The following SRP9 variants were observed in gnomAD, a reference collection of about 807,000 sequenced individuals.
SRP9 encodes the protein signal recognition particle 9.
Under a neutral mutation model 11.7 loss-of-function variants are expected in SRP9, and 2 were observed. That is an observed-to-expected ratio of 0.17 (90% CI 0.07 to 0.54). SRP9 has a LOEUF of 0.54. Ranked by LOEUF, SRP9 falls within the 20% of genes least tolerant of loss-of-function variation. The pLI is 0.94. For synonymous variants in SRP9, 27 were observed against 35.6 expected (o/e 0.76, Z 0.86); for missense variants, 54 against 108.1 (o/e 0.50, Z 2.22).
At chr1:225,786,915 T>C in intron 2 of SRP9, 1 of 907,114 alleles carries the variant, frequency 1.1e-6, no homozygotes, top group Non-Finnish European at 1.5e-6. Context: ...TGATCATAGC[T>C]CACTGCATCC....
chr1:225,781,402 T>TC (rs1278088556), intron 1 of SRP9, among the ~76,000 whole-genome samples: 1 of 140,064 alleles, frequency 7.1e-6, no homozygotes, highest in Non-Finnish European at 1.6e-5. Context: ...TTTCTTTTTT[T>TC]TTTTTTTTTT....
chr1:225,778,089 T>C, intron 1 of SRP9, 77 bp downstream of exon 1: 1 of 1,508,960 alleles, frequency 6.6e-7, no homozygotes, highest in Non-Finnish European at 9.1e-7. Flanking sequence ...CCCTGGAGCT[T>C]CCCCAGCGCT....
At chr1:225,779,523 T>A (rs1665754333) in intron 1 of SRP9, among the ~76,000 whole-genome samples, 1 of 152,214 alleles carries the variant, frequency 6.6e-6, no homozygotes, top group African/African-American at 2.4e-5. Context: ...TGCAGTGAGC[T>A]GGTAACCTGT....
At chr1:225,787,175 A>T (rs1344355624) in intron 2 of SRP9, among the ~76,000 whole-genome samples, 1 of 152,144 alleles carries the variant, frequency 6.6e-6, no homozygotes, top group Non-Finnish European at 1.5e-5. Flanking sequence ...GAAAAATTTT[A>T]ATTGTGATTG....
rs1665985752 is a variant in SRP9 at position 225,789,513 on chromosome 1, G to C, written c.*154G>C. The C allele has an allele frequency of 1.3e-6, 1 of 781,008 alleles. No homozygotes were observed. Among genetic ancestry groups the C allele is most frequent in the African/African-American group, 1.8e-5 (1 of 56,410 alleles). 48.4% of individuals were successfully genotyped at this position (781,008 alleles called of 1,614,324 possible). On this transcript the variant is annotated 3_prime_UTR_variant, in exon 3 of 3. Transcript: ENST00000304786. ...TAATTTTCTTTTTAATTACTTTAGA[G>C]AGCTAGGGATGCAAATGTTTTCAGT... is the stretch of plus-strand genomic sequence containing the variant.
intron 1 of SRP9, among the ~76,000 whole-genome samples, chr1:225,781,082 T>C (rs1665785244): frequency 6.6e-6 from 1 of 152,224 alleles, no homozygotes; most frequent in African/African-American, 2.4e-5. Flanking sequence ...CCGGATTGTA[T>C]CCTTGTTCAG....
intron 2 of SRP9, chr1:225,788,889 G>A: frequency 2.0e-6 from 2 of 1,008,698 alleles, no homozygotes; most frequent in Non-Finnish European, 1.4e-6. Flanking sequence ...GAGAAAATAT[G>A]TAGGGAGATA....
chr1:225,782,271 C>T (rs1665815139), intron 1 of SRP9, among the ~76,000 whole-genome samples: 1 of 152,110 alleles, frequency 6.6e-6, no homozygotes, highest in African/African-American at 2.4e-5. Context: ...TCACACCATT[C>T]TCTTGCCTCA....
chr1:225,780,152 T>A (rs1665764156), intron 1 of SRP9, among the ~76,000 whole-genome samples: 1 of 149,464 alleles, frequency 6.7e-6, no homozygotes, highest in South Asian at 2.1e-4. Flanking sequence ...TAGCTGAGAC[T>A]ACAGACATGC....
Position 225,789,443 on chromosome 1 carries a change from T to A in SRP9, c.*84T>A. ...GAAAGTGTTGGGACAGAAAGTACTTTATGTAACTAAGTGGGCTGTTCAGAA... is the reference window on the plus strand; with the variant it reads ...GAAAGTGTTGGGACAGAAAGTACTTAATGTAACTAAGTGGGCTGTTCAGAA... On this transcript the variant is annotated 3_prime_UTR_variant, in exon 3 of 3. Coordinates refer to ENST00000304786, the MANE Select transcript of SRP9 (RefSeq NM_003133.6). 6.9e-7 allele frequency: 1 copy of A among 1,448,386 alleles called. No homozygotes were observed. The highest frequency in any genetic ancestry group is 9.3e-7 in the Non-Finnish European group (1 of 1,073,516). The allele number at this position is 1,448,386 out of a possible 1,614,324, so 89.7% of individuals were successfully genotyped here. A position where few individuals can be genotyped will look rare whatever the true frequency, so the allele number is the denominator to read the frequency against.
At chr1:225,786,824 T>TGTTG (rs1165181621) in intron 2 of SRP9, 4 of 1,264,548 alleles carry the variant, frequency 3.2e-6, no homozygotes, top group East Asian at 5.6e-5. Context: ...TTCTTTTGTT[T>TGTTG]GTTGATTGGT....
chr1:225,785,404 A>ATGGAGTCTCGCTCTGTCGCCCAGGC (rs1447998537), intron 2 of SRP9, among the ~76,000 whole-genome samples: 1 of 149,454 alleles, frequency 6.7e-6, no homozygotes, highest in Admixed American at 6.7e-5. Flanking sequence ...TGTTTGTTTG[A>ATGGAGTCTCGCTCTGTCGCCCAGGC]TGGAGTCTCG....
chr1:225,779,302 A>T (rs1474054421), intron 1 of SRP9, among the ~76,000 whole-genome samples: 1 of 151,668 alleles, frequency 6.6e-6, no homozygotes, highest in African/African-American at 2.4e-5. Flanking sequence ...CTGCCACCAC[A>T]CCTGGCTAAT....
intron 2 of SRP9, among the ~76,000 whole-genome samples, chr1:225,784,797 G>A (rs906768537): frequency 2.6e-5 from 4 of 151,922 alleles, no homozygotes; most frequent in South Asian, 2.1e-4. Context: ...AGCAGAGATC[G>A]TGCCACTGCA....
intron 1 of SRP9, among the ~76,000 whole-genome samples, chr1:225,781,856 T>C (rs964343329): frequency 1.3e-5 from 2 of 152,212 alleles, no homozygotes; most frequent in African/African-American, 4.8e-5. Context: ...ATTTACTAGA[T>C]AAATAAATAG....
chr1:225,778,568 T>C (rs909567114), intron 1 of SRP9, among the ~76,000 whole-genome samples: 20 of 152,234 alleles, frequency 1.3e-4, no homozygotes, highest in Non-Finnish European at 1.0e-4. Flanking sequence ...TAAGTAAATG[T>C]ATAAGTAAAT....
rs149323412 is a variant in SRP9, at chr1:225,789,347, G to A, written c.249G>A (p.Met83Ile). The stretch of plus-strand genomic sequence containing the variant: ...CCAAGGAAGCCCGCAATGTTACCAT[G>A]GAAACTGAGTGAATGGTTTGAAATG... ...MVAKEARNVT[M>I]ETE The change falls in exon 3 of 3, where the codon ATG becomes ATA. Residue 83 changes from methionine to isoleucine, a missense_variant. Coordinates refer to ENST00000304786, the MANE Select transcript of SRP9 (RefSeq NM_003133.6). The A allele has an allele frequency of 1.3e-6, 2 of 1,596,100 alleles. No homozygotes were observed. Among genetic ancestry groups the A allele is most frequent in the African/African-American group, 2.7e-5 (2 of 73,786 alleles).
intron 2 of SRP9, 34 bp downstream of exon 2, chr1:225,783,402 A>G: frequency 6.6e-7 from 1 of 1,510,328 alleles, no homozygotes; most frequent in African/African-American, 1.4e-5. Flanking sequence ...ACATACTTTC[A>G]GATTTGTTTG....
chr1:225,784,309 T>G (rs1665857047), intron 2 of SRP9, among the ~76,000 whole-genome samples: 1 of 133,558 alleles, frequency 7.5e-6, no homozygotes, highest in Non-Finnish European at 1.6e-5. Flanking sequence ...TGCAGTGGTG[T>G]GATCTCGGCT....
Sources: gnomAD v4.1 joint callset for allele counts (sites outside exome capture counted in the v4.1 genomes callset) on GRCh38, gnomAD v4.1.1 for gene constraint, MANE v1.5 for transcripts, NCBI Gene and HGNC (gene_info 2026-07-23, HGNC 2026-07-21) for gene names.